The following TENM4 variants were observed in gnomAD, a reference collection of about 807,000 sequenced individuals.
TENM4 encodes the protein teneurin transmembrane protein 4.
In TENM4, 82 loss-of-function variants were observed where a neutral mutation model predicts 243.3. The observed-to-expected ratio is 0.34, with a 90% CI of 0.28 to 0.40. TENM4 has a LOEUF of 0.40. Among genes scored for constraint, TENM4 ranks in the 10% least tolerant of loss-of-function variants. The pLI, the probability that TENM4 is intolerant of heterozygous loss-of-function variation, is 1.00. For synonymous variants in TENM4, 1,412 were observed against 1,456.3 expected (o/e 0.97, Z 0.69); for missense variants, 3,138 against 3,673.3 (o/e 0.85, Z 3.77).
intron 3 of TENM4, among the ~76,000 whole-genome samples, chr11:79,197,857 G>C (rs1863661224): frequency 1.3e-5 from 2 of 152,028 alleles, no homozygotes; most frequent in South Asian, 4.2e-4. Context: ...AGTCATGAAG[G>C]TAGAAGCCTT....
At chr11:79,218,885 A>G (rs1864107956) in intron 2 of TENM4, among the ~76,000 whole-genome samples, 1 of 152,214 alleles carries the variant, frequency 6.6e-6, no homozygotes, top group African/African-American at 2.4e-5. Flanking sequence ...GGCATTATTC[A>G]TTCATTCACA....
intron 4 of TENM4, among the ~76,000 whole-genome samples, chr11:79,121,095 G>C (rs773093990): frequency 2.0e-5 from 3 of 152,178 alleles, no homozygotes; most frequent in Non-Finnish European, 4.4e-5. Flanking sequence ...GGGAGACAGA[G>C]ACTTAGAGAG....
intron 4 of TENM4, among the ~76,000 whole-genome samples, chr11:79,127,885 T>C (rs965713988): frequency 1.3e-5 from 2 of 152,152 alleles, no homozygotes; most frequent in African/African-American, 4.8e-5. Flanking sequence ...AGGTGAAGGA[T>C]AAGTTGCTGC....
intron 6 of TENM4, among the ~76,000 whole-genome samples, chr11:79,004,127 C>A (rs1858411015): frequency 6.6e-6 from 1 of 152,142 alleles, no homozygotes; most frequent in Non-Finnish European, 1.5e-5. Flanking sequence ...CACCGGAGAA[C>A]TCAGATTCAT....
chr11:79,437,448 G>A (rs967994235), intron 1 of TENM4, among the ~76,000 whole-genome samples: 4 of 152,042 alleles, frequency 2.6e-5, no homozygotes, highest in African/African-American at 7.2e-5. Flanking sequence ...ACTGTGCCGC[G>A]CGGCGCTTGC....
At chr11:78,982,591 C>T (rs1362349067) in intron 6 of TENM4, among the ~76,000 whole-genome samples, 1 of 152,162 alleles carries the variant, frequency 6.6e-6, no homozygotes, top group Admixed American at 6.5e-5. Flanking sequence ...CCCTGTGGCC[C>T]AGGGATGCAT....
chr11:78,838,330 T>C (rs1451143962), intron 12 of TENM4, among the ~76,000 whole-genome samples: 1 of 152,200 alleles, frequency 6.6e-6, no homozygotes, highest in Non-Finnish European at 1.5e-5. Flanking sequence ...TGGTCACTCA[T>C]GTTTACTGCA....
Position 79,405,415 on chromosome 11 carries a change from C to T in TENM4, c.-321+35094G>A, listed in dbSNP as rs566703255. ...ATTTTAATTAGGTCTGATTGATGCT[C>T]GTCATTTGACAGGAAAGGGAGAGCA... On this transcript the variant is annotated intron_variant, in intron 1 of 33. Transcript: ENST00000278550. Among the ~76,000 whole-genome samples, 30 of 149,958 alleles carry T rather than the reference C, an allele frequency of 2.0e-4. No homozygotes were observed. In the South Asian group the frequency reaches 4.2e-3, roughly 21 times the overall value.
chr11:78,728,114 G>A (rs184385167), intron 22 of TENM4, among the ~76,000 whole-genome samples: 16 of 152,260 alleles, frequency 1.1e-4, no homozygotes, highest in African/African-American at 3.6e-4. Flanking sequence ...AGGTTATAAG[G>A]CCTCATTTTA....
rs535168171 is a variant in TENM4 at position 78,776,256 on chromosome 11, T to A, written c.2392+2346A>T. Among the ~76,000 whole-genome samples, 21 of 152,328 alleles carry A rather than the reference T, an allele frequency of 1.4e-4. No individual in the cohort carries two copies. The South Asian group carries it at 4.1e-3, about 30-fold the overall frequency. On this transcript the variant is annotated intron_variant, in intron 17 of 33. Transcript: ENST00000278550. ...TTAAAAACCTTCAGACGCTTTCTTA[T>A]ACCCTCATGTTAAATTCCGCAATCT...
chr11:79,209,293 A>G (rs779772122), intron 3 of TENM4, among the ~76,000 whole-genome samples: 2 of 152,076 alleles, frequency 1.3e-5, no homozygotes, highest in East Asian at 1.9e-4. Flanking sequence ...GCTAACCCCA[A>G]CCCGGCCGGC....
chr11:78,734,327 A>G (rs1056440612), intron 20 of TENM4, among the ~76,000 whole-genome samples: 12 of 152,360 alleles, frequency 7.9e-5, no homozygotes, highest in African/African-American at 2.9e-4. Context: ...CATCTGACCT[A>G]GCCCCCCTCC....
chr11:78,762,680 C>A (rs1856455783), intron 18 of TENM4, among the ~76,000 whole-genome samples: 1 of 152,190 alleles, frequency 6.6e-6, no homozygotes, highest in African/African-American at 2.4e-5. Flanking sequence ...AAATGAGACA[C>A]ACAAATGAGT....
intron 2 of TENM4, among the ~76,000 whole-genome samples, chr11:79,245,785 C>T (rs1055283939): frequency 2.0e-5 from 3 of 151,598 alleles, no homozygotes; most frequent in Non-Finnish European, 4.4e-5. Flanking sequence ...AATACAAATA[C>T]AAAAATTAGC....
intron 9 of TENM4, among the ~76,000 whole-genome samples, chr11:78,889,479 A>G (rs1275240809): frequency 1.3e-5 from 2 of 152,166 alleles, no homozygotes; most frequent in Non-Finnish European, 2.9e-5. Context: ...ATAGATCCCC[A>G]TCTCAAAGGC....
chr11:78,913,163 G>C (rs1945252), intron 6 of TENM4, among the ~76,000 whole-genome samples: 103,824 of 152,148 alleles, frequency 0.68, 35,533 homozygotes, highest in East Asian at 0.79. Flanking sequence ...CAAGGCAAAA[G>C]GATGGAATGA....
chr11:78,753,787 A>G (rs1289619118), intron 19 of TENM4, among the ~76,000 whole-genome samples: 1 of 152,018 alleles, frequency 6.6e-6, no homozygotes, highest in Non-Finnish European at 1.5e-5. Context: ...AGCAAATACT[A>G]TATCCCTGGC....
At chr11:78,685,285 C>T (rs1037980866) in intron 29 of TENM4, among the ~76,000 whole-genome samples, 1 of 152,074 alleles carries the variant, frequency 6.6e-6, no homozygotes, top group Admixed American at 6.6e-5. Flanking sequence ...TTCCCAAGGC[C>T]GCTGCTCATT....
At chr11:79,371,501 T>C (rs1278299952) in intron 1 of TENM4, among the ~76,000 whole-genome samples, 1 of 152,206 alleles carries the variant, frequency 6.6e-6, no homozygotes, top group Non-Finnish European at 1.5e-5. Flanking sequence ...GTGCTCACCA[T>C]TGGCTTTAGT....
Sources: allele counts gnomAD v4.1 joint callset (sites outside exome capture counted in the v4.1 genomes callset), GRCh38; gene constraint gnomAD v4.1.1; transcripts MANE v1.5; gene names NCBI Gene and HGNC (gene_info 2026-07-23, HGNC 2026-07-21).